The following FABP7 variants were observed in gnomAD, a reference collection of about 807,000 sequenced individuals.
FABP7 encodes fatty acid binding protein 7.
Under a neutral mutation model 14.2 loss-of-function variants are expected in FABP7, and 13 were observed. The observed-to-expected ratio is 0.91, with a 90% CI of 0.59 to 1.45. FABP7 has a LOEUF of 1.45. Among genes scored for constraint, FABP7 ranks in the 40% most tolerant of loss-of-function variants. FABP7 has a pLI of 0.00. For missense variants in FABP7, 149 were observed against 157.6 expected (o/e 0.95, Z 0.29); for synonymous variants, 49 against 51.4 (o/e 0.95, Z 0.20).
In FABP7 at chr6:122,780,354, A is replaced by G. The variant is rs1421776972; in HGVS notation, c.137A>G (p.Glu46Gly). ...AAACCAACGGTAATTATCAGTCAAG[A>G]AGGAGACAAAGTGGTCATCAGGACT... is the stretch of plus-strand genomic sequence containing the variant. ...VTKPTVIISQ[E>G]GDKVVIRTLS... The change falls in exon 2 of 4, where the codon GAA becomes GGA. Residue 46 changes from glutamate (E) to glycine (G), a missense_variant. Transcript: ENST00000368444. 1.2e-6 allele frequency: 2 copies of G among 1,614,030 alleles called. No individual in the cohort carries two copies. The highest frequency in any genetic ancestry group is 1.3e-5 in the African/African-American group (1 of 74,926).
At chr6:122,769,168 A>T in the FABP7 span, among the ~76,000 whole-genome samples, 1 of 152,114 alleles carries the variant, frequency 6.6e-6, no homozygotes, top group African/African-American at 2.4e-5. Flanking sequence ...TCTGGAAGTG[A>T]CCCATGAAAA....
At chr6:122,779,548 C>T (rs2115142194), upstream of FABP7, 1 of 543,438 alleles carries the variant, frequency 1.8e-6, no homozygotes, top group East Asian at 3.1e-5. Flanking sequence ...GTGGCCTGAG[C>T]CAATCACAAA....
chr6:122,782,965 C>G lies in FABP7; in HGVS notation c.349-752C>G, dbSNP rs182021691. On this transcript the variant is annotated intron_variant, in intron 3 of 3. Transcript: ENST00000368444. ...TCCCAGAACACAGAAAAGTAGATAG[C>G]TCAACCGTGGCATGCATGACTATGA... 129 of 985,382 alleles carry G rather than the reference C, an allele frequency of 1.3e-4. No homozygotes were observed. The African/African-American group carries it at 2.2e-3, about 17-fold the overall frequency. The allele number at this position is 985,382 out of a possible 1,614,324, so 61.0% of individuals were successfully genotyped here. A position where few individuals can be genotyped will look rare whatever the true frequency, so the allele number is the denominator to read the frequency against.
At chr6:122,752,013 A>G in the FABP7 span, among the ~76,000 whole-genome samples, 2 of 151,940 alleles carry the variant, frequency 1.3e-5, no homozygotes, top group African/African-American at 4.8e-5. Flanking sequence ...TGGGTCCCCA[A>G]ACCCAAATGC....
intron 1 of FABP7, among the ~76,000 whole-genome samples, 177 bp downstream of exon 1, chr6:122,780,044 C>T (rs115196977): frequency 1.3e-5 from 2 of 152,194 alleles, no homozygotes; most frequent in African/African-American, 4.8e-5. Context: ...TGCTTGCCTT[C>T]TTACCCAGGG....
chr6:122,781,501 T>C (rs1582520288), intron 3 of FABP7: 1 of 1,353,382 alleles, frequency 7.4e-7, no homozygotes, highest in South Asian at 2.2e-5. Context: ...AGGATAACTA[T>C]GGATGTCTCT....
chr6:122,777,794 G>T (rs943114582), upstream of FABP7, among the ~76,000 whole-genome samples: 2 of 151,820 alleles, frequency 1.3e-5, no homozygotes, highest in African/African-American at 2.4e-5. Flanking sequence ...AGTGGGCTGA[G>T]ATCGCGCCAC....
the FABP7 span, among the ~76,000 whole-genome samples, chr6:122,762,430 T>C: frequency 6.6e-6 from 1 of 152,160 alleles, no homozygotes; most frequent in African/African-American, 2.4e-5. Context: ...CCACAGCCAA[T>C]ATCATACTGA....
the FABP7 span, among the ~76,000 whole-genome samples, chr6:122,760,059 CCA>C: frequency 6.6e-6 from 1 of 151,820 alleles, no homozygotes; most frequent in Non-Finnish European, 1.5e-5. Flanking sequence ...GCGGAGGTTG[CCA>C]CTGCACTCCA....
intron 2 of FABP7, among the ~76,000 whole-genome samples, chr6:122,780,699 T>C (rs564323797): frequency 2.7e-4 from 41 of 152,364 alleles, no homozygotes; most frequent in African/African-American, 6.5e-4. Context: ...GTTCACATTT[T>C]ATATCAAACT....
upstream of FABP7, among the ~76,000 whole-genome samples, chr6:122,777,386 A>G (rs1051484715): frequency 6.6e-6 from 1 of 152,122 alleles, no homozygotes. Context: ...CCTTTTGGCC[A>G]AGGGATGCCC....
At chr6:122,753,438 C>G in the FABP7 span, among the ~76,000 whole-genome samples, 1 of 152,132 alleles carries the variant, frequency 6.6e-6, no homozygotes, top group Non-Finnish European at 1.5e-5. Flanking sequence ...TCATCACTGT[C>G]TACTGGTTTA....
chr6:122,780,415 GCT>G lies in FABP7; in HGVS notation c.199_200del (p.Leu67GlyfsTer5). On this transcript the variant is annotated frameshift_variant, in exon 2 of 4. Coordinates refer to ENST00000368444, the MANE Select transcript of FABP7 (RefSeq NM_001446.5). LOFTEE classifies it high-confidence loss of function. The part of the protein sequence containing the change: ...TFKNTEISFQ[L>X]GEEFDETTAD... The stretch of plus-strand genomic sequence containing the variant: ...TCAAGAACACGGAGATTAGTTTCCA[GCT>G]GGGAGAAGAGTTTGATGAAACCACT... The G allele has an allele frequency of 6.2e-7, 1 of 1,613,942 alleles. No individual in the cohort carries two copies. The highest frequency in any genetic ancestry group is 8.5e-7 in the Non-Finnish European group (1 of 1,179,978).
At chr6:122,783,649 A>T (rs1780848882) in intron 3 of FABP7, 68 bp from the exon 4 acceptor site, 2 of 1,546,926 alleles carry the variant, frequency 1.3e-6, no homozygotes, top group South Asian at 1.3e-5. Flanking sequence ...CACATATATG[A>T]TGATCTTTAA....
At chr6:122,775,360 T>A (rs1198830673), upstream of FABP7, among the ~76,000 whole-genome samples, 1 of 151,920 alleles carries the variant, frequency 6.6e-6, no homozygotes, top group African/African-American at 2.4e-5. Flanking sequence ...AAAGTTTTTA[T>A]ATTTACAGAC....
the FABP7 span, among the ~76,000 whole-genome samples, chr6:122,757,894 G>T: frequency 1.3e-5 from 2 of 152,054 alleles, no homozygotes; most frequent in Non-Finnish European, 1.5e-5. Context: ...TATATAAAAT[G>T]AGATAGAATT....
At chr6:122,782,873 AAAAG>A in intron 3 of FABP7, 1 of 985,286 alleles carries the variant, frequency 1.0e-6, no homozygotes, top group Non-Finnish European at 1.2e-6. Context: ...AACAATCAAT[AAAAG>A]AAAGGACTCA....
the FABP7 span, among the ~76,000 whole-genome samples, chr6:122,765,967 A>G: frequency 6.6e-6 from 1 of 151,914 alleles, no homozygotes; most frequent in Non-Finnish European, 1.5e-5. Flanking sequence ...ATTTGATTAT[A>G]TTTTGCTTCT....
rs1780858117 is a variant in FABP7, at chr6:122,783,973, A to C, written c.*206A>C. ...TTATCATGTTTTATAATTTGAATTAAAGTTTTGTCCCCCCCCCCCTTTTTT... is the reference window on the plus strand; with the variant it reads ...TTATCATGTTTTATAATTTGAATTACAGTTTTGTCCCCCCCCCCCTTTTTT... On this transcript the variant is annotated 3_prime_UTR_variant, in exon 4 of 4. Transcript: ENST00000368444. 7.6e-6 allele frequency: 3 copies of C among 393,926 alleles called. No homozygotes were observed. Among genetic ancestry groups the C allele is most frequent in the Non-Finnish European group, 1.3e-5 (3 of 235,018 alleles). The allele number at this position is 393,926 out of a possible 1,614,324, so 24.4% of individuals were successfully genotyped here. A position where few individuals can be genotyped will look rare whatever the true frequency, so the allele number is the denominator to read the frequency against.
Sources: gnomAD v4.1 joint callset for allele counts (sites outside exome capture counted in the v4.1 genomes callset) on GRCh38, gnomAD v4.1.1 for gene constraint, MANE v1.5 for transcripts, NCBI Gene and HGNC (gene_info 2026-07-23, HGNC 2026-07-21) for gene names.